LRP1B: variants seen among roughly 807,000 people sequenced by gnomAD.
LRP1B encodes LDL receptor related protein 1B, also known as low-density lipoprotein receptor-related protein 1B.
A neutral mutation model predicts 556.6 loss-of-function variants in LRP1B; 217 were observed. The observed-to-expected ratio is 0.39, with a 90% CI of 0.35 to 0.44. The LOEUF (loss-of-function observed/expected upper bound fraction) is 0.44, where lower values mean the gene tolerates loss of function less well. Among genes scored for constraint, LRP1B ranks in the 20% least tolerant of loss-of-function variants. The probability of loss-of-function intolerance (pLI) is 1.00; values close to 1 mark genes in which losing one functional copy is unlikely to be tolerated. For missense variants in LRP1B, 5,053 were observed against 5,620.8 expected, an observed-to-expected ratio of 0.90 and a Z score of 3.23; for synonymous variants, 2,047 against 1,865.8, an observed-to-expected ratio of 1.10 and a Z score of -2.50.
chr2:141,144,463 A>G (rs1261494147), intron 7 of LRP1B, among the ~76,000 whole-genome samples: 1 of 152,206 alleles, frequency 6.6e-6, no homozygotes, highest in African/African-American at 2.4e-5. Context: ...GAAAAATTTT[A>G]GCATCTCTCA....
intron 66 of LRP1B, among the ~76,000 whole-genome samples, chr2:140,407,130 G>T (rs973567733): frequency 1.3e-5 from 2 of 152,032 alleles, no homozygotes; most frequent in African/African-American, 2.4e-5. Context: ...GGGAAAACTG[G>T]CAAGCCACAC....
At chr2:141,862,216 T>A (rs1277516389) in intron 1 of LRP1B, among the ~76,000 whole-genome samples, 2 of 152,188 alleles carry the variant, frequency 1.3e-5, no homozygotes, top group Non-Finnish European at 2.9e-5. Context: ...CACTTTACTT[T>A]GTAAGCCTAC....
chr2:140,270,112 A>G (rs1177736972), intron 86 of LRP1B, 130 bp downstream of exon 86: 1 of 650,734 alleles, frequency 1.5e-6, no homozygotes, highest in Non-Finnish European at 2.8e-6. Context: ...GATGAGGGAC[A>G]ATACTTGATC....
intron 2 of LRP1B, among the ~76,000 whole-genome samples, chr2:141,508,899 G>A (rs1224246249): frequency 2.6e-5 from 4 of 152,092 alleles, no homozygotes; most frequent in Admixed American, 2.0e-4. Context: ...CTGATATAAA[G>A]TGCTTTCTCC....
intron 3 of LRP1B, among the ~76,000 whole-genome samples, chr2:141,376,203 G>A (rs957527183): frequency 6.6e-6 from 1 of 152,132 alleles, no homozygotes; most frequent in East Asian, 1.9e-4. Flanking sequence ...TTCCATATGG[G>A]TTCTCTTTTT....
At chr2:141,042,624 G>A (rs1253622956) in intron 11 of LRP1B, among the ~76,000 whole-genome samples, 1 of 152,074 alleles carries the variant, frequency 6.6e-6, no homozygotes, top group East Asian at 1.9e-4. Flanking sequence ...ACCTGTCTGA[G>A]TCTCAATTTC....
At chr2:140,239,654 G>T in intron 87 of LRP1B, 122 bp from the exon 88 acceptor site, 1 of 528,304 alleles carries the variant, frequency 1.9e-6, no homozygotes, top group Non-Finnish European at 3.3e-6. Flanking sequence ...TAGCCCAAAT[G>T]TTTATATTTC....
In LRP1B at chr2:140,893,435, T is replaced by C. The variant is rs531286061; in HGVS notation, c.3767-7100A>G. Among the ~76,000 whole-genome samples, 3 of 152,310 alleles carry C rather than the reference T, an allele frequency of 2.0e-5. No homozygotes were observed. In the East Asian group the frequency reaches 5.8e-4, roughly 29 times the overall value. Reference sequence around the variant, plus strand: ...CAGCACAGATAAACTGCCTGGGTCTTTGCAGTATTATGTAAATGCTCCTGC... The same window carrying C: ...CAGCACAGATAAACTGCCTGGGTCTCTGCAGTATTATGTAAATGCTCCTGC... On this transcript the variant is annotated intron_variant, in intron 23 of 90. Transcript: ENST00000389484.
At chr2:141,295,653 T>C (rs575622314) in intron 3 of LRP1B, among the ~76,000 whole-genome samples, 1 of 152,034 alleles carries the variant, frequency 6.6e-6, no homozygotes, top group Non-Finnish European at 1.5e-5. Context: ...TTTATCTTTA[T>C]AGGAAAGCAA....
chr2:140,953,618 A>G (rs1695785488), intron 18 of LRP1B, among the ~76,000 whole-genome samples: 1 of 152,142 alleles, frequency 6.6e-6, no homozygotes, highest in Admixed American at 6.6e-5. Context: ...GGCTATTCAA[A>G]CTTCTCCAGC....
intron 3 of LRP1B, among the ~76,000 whole-genome samples, chr2:141,310,921 A>C (rs1024638099): frequency 1.3e-5 from 2 of 152,182 alleles, no homozygotes; most frequent in Non-Finnish European, 2.9e-5. Context: ...TGAAAACATA[A>C]TGTTGCTCTC....
chr2:140,727,556 G>A (rs1247950138), intron 35 of LRP1B, among the ~76,000 whole-genome samples: 1 of 152,154 alleles, frequency 6.6e-6, no homozygotes, highest in Non-Finnish European at 1.5e-5. Context: ...TGAAGACTGG[G>A]TAGCATTTGG....
At chr2:142,001,875 T>A (rs1188922477) in intron 1 of LRP1B, among the ~76,000 whole-genome samples, 1 of 152,150 alleles carries the variant, frequency 6.6e-6, no homozygotes, top group Non-Finnish European at 1.5e-5. Flanking sequence ...CTGAAAATTG[T>A]GGGGTACATT....
At chr2:141,681,617 C>A (rs918271933) in intron 2 of LRP1B, among the ~76,000 whole-genome samples, 1 of 152,000 alleles carries the variant, frequency 6.6e-6, no homozygotes, top group South Asian at 2.1e-4. Flanking sequence ...GGAAATAAAT[C>A]ATCTAAGATA....
intron 27 of LRP1B, among the ~76,000 whole-genome samples, chr2:140,864,807 G>T (rs1485809874): frequency 1.3e-5 from 2 of 151,952 alleles, no homozygotes; most frequent in Non-Finnish European, 2.9e-5. Flanking sequence ...ACGTTTACAA[G>T]ATCCTATGAT....
intron 41 of LRP1B, among the ~76,000 whole-genome samples, chr2:140,655,032 G>GTATATATATATATATATATATATATA (rs145869246): frequency 7.5e-4 from 111 of 147,114 alleles, no homozygotes; most frequent in Admixed American, 3.8e-3. Flanking sequence ...GTATATGTAT[G>GTATATATATATATATATATATATATA]TATATATATA....
At chr2:141,844,056 G>A (rs545193610) in intron 1 of LRP1B, among the ~76,000 whole-genome samples, 1 of 152,044 alleles carries the variant, frequency 6.6e-6, no homozygotes, top group African/African-American at 2.4e-5. Context: ...TGCACTATGA[G>A]CAATGAAGAA....
At chr2:141,868,329 T>A (rs1474383780) in intron 1 of LRP1B, among the ~76,000 whole-genome samples, 2 of 152,090 alleles carry the variant, frequency 1.3e-5, no homozygotes, top group Admixed American at 1.3e-4. Context: ...CATCTGTACT[T>A]GTGACTTTTG....
At chr2:140,942,812 A>C (rs1695439368) in intron 20 of LRP1B, among the ~76,000 whole-genome samples, 6 of 152,136 alleles carry the variant, frequency 3.9e-5, no homozygotes, top group Admixed American at 3.9e-4. Context: ...ATAAAAGAAT[A>C]ATACTTGCCA....
Sources: allele counts gnomAD v4.1 joint callset (sites outside exome capture counted in the v4.1 genomes callset), GRCh38; gene constraint gnomAD v4.1.1; transcripts MANE v1.5; gene names NCBI Gene and HGNC (gene_info 2026-07-23, HGNC 2026-07-21).